The following CNTNAP3 variants were observed in gnomAD, a reference collection of about 807,000 sequenced individuals.
CNTNAP3 encodes the protein contactin associated protein family member 3.
In CNTNAP3, 36 loss-of-function variants were observed where a neutral mutation model predicts 92.1. The ratio of observed to expected loss-of-function variants is 0.39; its 90% CI spans 0.30 to 0.52. The LOEUF is 0.52. CNTNAP3 is among the 20% of genes least tolerant of loss of function. CNTNAP3 has a pLI of 0.76. For synonymous variants in CNTNAP3, 232 were observed against 422.3 expected, an observed-to-expected ratio of 0.55 and a Z score of 5.53; for missense variants, 534 against 1,069.6, an observed-to-expected ratio of 0.50 and a Z score of 6.98.
At chr9:39,126,555 G>C (rs573306979) in intron 13 of CNTNAP3, among the ~76,000 whole-genome samples, 10 of 152,166 alleles carry the variant, frequency 6.6e-5, no homozygotes, top group African/African-American at 2.4e-4. Context: ...AAAAATATTA[G>C]CAAATTGAAC....
intron 10 of CNTNAP3, among the ~76,000 whole-genome samples, chr9:39,145,049 T>C (rs1000390526): frequency 1.4e-5 from 2 of 140,298 alleles, no homozygotes; most frequent in African/African-American, 5.1e-5. Flanking sequence ...AAAAGAACAG[T>C]TGGAGGTCTC....
chr9:39,146,467 A>G (rs894908359), intron 10 of CNTNAP3, among the ~76,000 whole-genome samples: 29 of 152,186 alleles, frequency 1.9e-4, no homozygotes, highest in Admixed American at 1.8e-3. Context: ...ACGCGGGTGG[A>G]TGACGAGGTC....
intron 7 of CNTNAP3, among the ~76,000 whole-genome samples, chr9:39,175,202 C>CAAAACA (rs549418534): frequency 4.1e-5 from 5 of 121,802 alleles, no homozygotes; most frequent in South Asian, 2.7e-4. Flanking sequence ...GACTGCATCT[C>CAAAACA]AAAACAAAAA....
At chr9:39,081,940 AG>A (rs1331954378) in intron 21 of CNTNAP3, among the ~76,000 whole-genome samples, 5 of 150,002 alleles carry the variant, frequency 3.3e-5, no homozygotes, top group African/African-American at 1.2e-4. Context: ...AAAAAAAATT[AG>A]CCGGGCATGG....
chr9:39,094,929 T>C (rs1217268933), intron 18 of CNTNAP3, among the ~76,000 whole-genome samples: 1 of 151,568 alleles, frequency 6.6e-6, no homozygotes, highest in Non-Finnish European at 1.5e-5. Flanking sequence ...GGGGTTGTAT[T>C]GTCATTTTAA....
chr9:39,129,557 G>A (rs1051931784), intron 13 of CNTNAP3, among the ~76,000 whole-genome samples: 11 of 152,166 alleles, frequency 7.2e-5, no homozygotes, highest in Admixed American at 5.9e-4. Flanking sequence ...CTTTGGAATT[G>A]GAATTTAGGG....
intron 12 of CNTNAP3, chr9:39,139,606 A>G (rs2118086137): frequency 6.6e-6 from 1 of 152,302 alleles, no homozygotes; most frequent in African/African-American, 2.4e-5. Context: ...CAGCACAATA[A>G]ATGAGAACAG....
At chr9:39,127,913 A>G (rs1005836052) in intron 13 of CNTNAP3, among the ~76,000 whole-genome samples, 2 of 152,058 alleles carry the variant, frequency 1.3e-5, no homozygotes, top group Admixed American at 1.3e-4. Flanking sequence ...ATCTTGGCTC[A>G]CTGCAACCTC....
intron 7 of CNTNAP3, among the ~76,000 whole-genome samples, chr9:39,174,784 C>CA (rs993546763): frequency 3.3e-5 from 4 of 122,680 alleles, no homozygotes; most frequent in African/African-American, 1.3e-4. Flanking sequence ...ATAACAACAC[C>CA]AAAAACACGT....
At chr9:39,107,205 A>T (rs1826626377) in intron 15 of CNTNAP3, among the ~76,000 whole-genome samples, 1 of 151,964 alleles carries the variant, frequency 6.6e-6, no homozygotes, top group African/African-American at 2.4e-5. Context: ...AAACAGTGCA[A>T]ACATACTGAG....
Position 39,145,880 on chromosome 9 carries a change from G to C in CNTNAP3, c.1650-1534C>G, listed in dbSNP as rs962510115. 4.2e-5 allele frequency among the ~76,000 whole-genome samples: 6 copies of C among 142,460 alleles called. 1 individual carries two copies. The highest frequency in any genetic ancestry group is 9.3e-5 in the Non-Finnish European group (6 of 64,270). 93.5% of individuals were successfully genotyped at this position (142,460 alleles called of 152,430 possible). A position where few individuals can be genotyped will look rare whatever the true frequency, so the allele number is the denominator to read the frequency against. ...CCACCCTCATACCATTTTTAAAAGA[G>C]CAGCTGTTCCTCTTCCCCCACATCC... On this transcript the variant is annotated intron_variant, in intron 10 of 23. Transcript: ENST00000297668.
intron 13 of CNTNAP3, among the ~76,000 whole-genome samples, chr9:39,123,564 C>G (rs556843786): frequency 5.9e-5 from 9 of 152,072 alleles, no homozygotes; most frequent in Middle Eastern, 3.4e-3. Flanking sequence ...CAGCAAACAC[C>G]AAGCAGGTTA....
intron 13 of CNTNAP3, among the ~76,000 whole-genome samples, chr9:39,122,287 G>A (rs1454925194): frequency 8.5e-5 from 13 of 152,276 alleles, no homozygotes; most frequent in African/African-American, 2.4e-4. Flanking sequence ...CCCAGGAGGC[G>A]GAGCTTGCAG....
At chr9:39,121,889 A>G (rs1363235707) in intron 13 of CNTNAP3, among the ~76,000 whole-genome samples, 1 of 152,154 alleles carries the variant, frequency 6.6e-6, no homozygotes, top group Non-Finnish European at 1.5e-5. Flanking sequence ...TAATCCCCCA[A>G]AAAGCTAGTT....
chr9:39,107,770 C>A (rs1474182068), intron 15 of CNTNAP3, among the ~76,000 whole-genome samples: 4 of 152,176 alleles, frequency 2.6e-5, no homozygotes, highest in Non-Finnish European at 4.4e-5. Flanking sequence ...AACAAGTCAA[C>A]AGTCCCAGAT....
intron 18 of CNTNAP3, among the ~76,000 whole-genome samples, chr9:39,090,096 C>T (rs570656845): frequency 1.3e-5 from 2 of 152,074 alleles, no homozygotes; most frequent in Non-Finnish European, 2.9e-5. Context: ...CCCGCCACTA[C>T]GCGTGGCTAA....
chr9:39,141,019 C>G (rs1172046072), intron 11 of CNTNAP3, among the ~76,000 whole-genome samples: 1 of 152,150 alleles, frequency 6.6e-6, no homozygotes, highest in Admixed American at 6.5e-5. Flanking sequence ...TTGGCAATGT[C>G]TAGAGACTGT....
At chr9:39,077,461 G>A (rs1825808255) in intron 23 of CNTNAP3, among the ~76,000 whole-genome samples, 1 of 152,124 alleles carries the variant, frequency 6.6e-6, no homozygotes, top group Non-Finnish European at 1.5e-5. Context: ...GGAGGCTGCG[G>A]CAGGAGAATG....
chr9:39,108,382 G>A lies in CNTNAP3; in HGVS notation c.2365+778C>T, dbSNP rs1294434294. On this transcript the variant is annotated intron_variant, in intron 15 of 23. Transcript: ENST00000297668. ...CAGAAACTGCTTGGTATTAGGGGAT[G>A]GAGACGCCACGCCATCTGGCACACT... 3.3e-5 allele frequency among the ~76,000 whole-genome samples: 5 copies of A among 152,152 alleles called. No homozygotes were observed. In the East Asian group the frequency reaches 5.8e-4, roughly 18 times the overall value.
Sources: allele counts gnomAD v4.1 joint callset (sites outside exome capture counted in the v4.1 genomes callset), GRCh38; gene constraint gnomAD v4.1.1; transcripts MANE v1.5; gene names NCBI Gene and HGNC (gene_info 2026-07-23, HGNC 2026-07-21).